Variants in LTBP1 observed in about 807,000 individuals in gnomAD.
The protein encoded by LTBP1 is latent transforming growth factor beta binding protein 1, also known as latent-transforming growth factor beta-binding protein 1.
A neutral mutation model predicts 207.6 loss-of-function variants in LTBP1; 129 were observed. The observed-to-expected ratio is 0.62, with a 90% CI of 0.54 to 0.72. LTBP1 has a LOEUF of 0.72. Among genes scored for constraint, LTBP1 ranks in the 30% least tolerant of loss-of-function variants. The pLI is 0.00. For missense variants in LTBP1, 2,281 were observed against 2,217.2 expected, an observed-to-expected ratio of 1.03 and a Z score of -0.58; for synonymous variants, 963 against 833.7, an observed-to-expected ratio of 1.16 and a Z score of -2.67.
chr2:33,282,173 T>C (rs1026820558), intron 19 of LTBP1, among the ~76,000 whole-genome samples: 3 of 152,004 alleles, frequency 2.0e-5, no homozygotes, highest in Non-Finnish European at 2.9e-5. Flanking sequence ...AGCAGAAATA[T>C]TAGATCACTG....
chr2:33,277,732 A>G (rs2093456859), intron 18 of LTBP1, among the ~76,000 whole-genome samples: 1 of 139,550 alleles, frequency 7.2e-6, no homozygotes, highest in Non-Finnish European at 1.5e-5. Context: ...AACCCCCAAC[A>G]AAGAAGTCAA....
At chr2:33,103,586 CGTGTGTGTGTGTGTGT>C (rs71407500) in intron 3 of LTBP1, among the ~76,000 whole-genome samples, 1 of 118,144 alleles carries the variant, frequency 8.5e-6, no homozygotes, top group African/African-American at 3.0e-5. Flanking sequence ...TCTCCGTTTA[CGTGTGTGTGTGTGTGT>C]GTGTGTGTGT....
intron 31 of LTBP1, among the ~76,000 whole-genome samples, chr2:33,371,972 A>G (rs970793380): frequency 1.3e-5 from 2 of 152,212 alleles, no homozygotes; most frequent in Admixed American, 6.5e-5. Flanking sequence ...CTACTTGCCC[A>G]TTAGTCACTT....
intron 24 of LTBP1, among the ~76,000 whole-genome samples, chr2:33,334,878 G>C (rs933017975): frequency 1.0e-4 from 15 of 150,208 alleles, no homozygotes; most frequent in African/African-American, 3.7e-4. Flanking sequence ...AGATCAGCCT[G>C]GGCAACATAA....
chr2:33,030,361 G>T (rs778966060), intron 3 of LTBP1, among the ~76,000 whole-genome samples: 4 of 152,080 alleles, frequency 2.6e-5, no homozygotes, highest in Non-Finnish European at 5.9e-5. Context: ...ATTTTCCCCT[G>T]CCCCATTTAT....
intron 3 of LTBP1, among the ~76,000 whole-genome samples, chr2:33,106,794 A>G (rs1367591915): frequency 6.6e-6 from 1 of 152,192 alleles, no homozygotes; most frequent in Non-Finnish European, 1.5e-5. Context: ...ATTGGCTTCA[A>G]CTTAAAGTCA....
intron 31 of LTBP1, among the ~76,000 whole-genome samples, chr2:33,381,028 T>G (rs1005393025): frequency 6.6e-6 from 1 of 152,138 alleles, no homozygotes; most frequent in African/African-American, 2.4e-5. Context: ...TGAAAAAATA[T>G]GAAGTAGATC....
At chr2:33,397,506 C>CTTTTTTTTTT (rs35219261) in intron 33 of LTBP1, among the ~76,000 whole-genome samples, 2 of 112,116 alleles carry the variant, frequency 1.8e-5, no homozygotes, top group Non-Finnish European at 3.4e-5. Context: ...TACCACAATT[C>CTTTTTTTTTT]TTTTTTTTTT....
In LTBP1 at chr2:33,279,780, A is replaced by T. The variant is rs963309691; in HGVS notation, c.2993-259A>T. On this transcript the variant is annotated intron_variant, in intron 18 of 33. Transcript: ENST00000404816. The stretch of plus-strand genomic sequence containing the variant: ...GAGGAGCTGCCAACTCCCAGAGTGG[A>T]GAGGCCAGGTCCTGCTAGTTGAAGA... Among the ~76,000 whole-genome samples, 5 of 152,216 alleles carry T rather than the reference A, an allele frequency of 3.3e-5. No individual in the cohort carries two copies. The East Asian group carries it at 9.6e-4, about 29-fold the overall frequency.
At chr2:33,053,503 C>T (rs554262671) in intron 3 of LTBP1, among the ~76,000 whole-genome samples, 1 of 152,190 alleles carries the variant, frequency 6.6e-6, no homozygotes, top group Admixed American at 6.5e-5. Context: ...GCAGCCCTCG[C>T]TCGCTCTCGG....
Position 33,257,479 on chromosome 2 carries a change from G to A in LTBP1, c.2363G>A (p.Arg788Gln), listed in dbSNP as rs149005748. ...CCAGTGGAGGCCCTGACCTTCTCCCGGGAACACGGGCCAGGAGTGGCGGAG... is the reference window on the plus strand; with the variant it reads ...CCAGTGGAGGCCCTGACCTTCTCCCAGGAACACGGGCCAGGAGTGGCGGAG... ...EEPVEALTFS[R>Q]EHGPGVAEPE... is the part of the protein sequence containing the mutation. Residue 788 changes from arginine (R) to glutamine (Q), a missense_variant, in exon 12 of 34, where the codon CGG becomes CAG. Arg to Gln is a conservative substitution (Grantham distance 43). Coordinates refer to ENST00000404816, the MANE Select transcript of LTBP1 (RefSeq NM_206943.4). The A allele has an allele frequency of 1.1e-4, 184 of 1,614,140 alleles. No homozygotes were observed. Among genetic ancestry groups the A allele is most frequent in the African/African-American group, 2.9e-4 (22 of 75,058 alleles).
chr2:33,062,450 A>G (rs1449184659), intron 3 of LTBP1, among the ~76,000 whole-genome samples: 2 of 152,332 alleles, frequency 1.3e-5, no homozygotes, highest in Non-Finnish European at 2.9e-5. Context: ...GTCTAGGATT[A>G]ACTTTGAGTT....
chr2:33,150,751 C>T (rs2083460871), intron 5 of LTBP1, among the ~76,000 whole-genome samples: 2 of 112,058 alleles, frequency 1.8e-5, no homozygotes, highest in South Asian at 6.3e-4. Flanking sequence ...CAGAGTCTCG[C>T]TCTGTTGCCC....
intron 7 of LTBP1, among the ~76,000 whole-genome samples, chr2:33,191,829 A>G (rs1462807963): frequency 3.9e-5 from 6 of 152,354 alleles, no homozygotes; most frequent in East Asian, 1.9e-4. Flanking sequence ...ATAGTTACCA[A>G]TAAACATCTA....
rs180811247 is a variant in LTBP1 at position 33,340,119 on chromosome 2, G to A, written c.3731-2719G>A. ...AAAAATACAAAAAAATTAGCCAGGC[G>A]TGGTGGCGAGCGCCTGTAGTCCCAG... is the stretch of plus-strand genomic sequence containing the variant. On this transcript the variant is annotated intron_variant, in intron 24 of 33. Transcript: ENST00000404816. 1.9e-3 allele frequency among the ~76,000 whole-genome samples: 285 copies of A among 152,112 alleles called. 1 individual carries two copies. Among genetic ancestry groups the A allele is most frequent in the African/African-American group, 5.9e-3 (244 of 41,516 alleles).
intron 20 of LTBP1, among the ~76,000 whole-genome samples, chr2:33,299,967 A>C (rs74570389): frequency 6.6e-6 from 1 of 152,188 alleles, no homozygotes; most frequent in Non-Finnish European, 1.5e-5. Context: ...AGAGTTCTTT[A>C]TACAACTGTT....
chr2:33,396,795 C>A (rs1329946114), intron 32 of LTBP1, among the ~76,000 whole-genome samples: 1 of 152,162 alleles, frequency 6.6e-6, no homozygotes, highest in Non-Finnish European at 1.5e-5. Flanking sequence ...CTGACACTTG[C>A]CCTACTGCAA....
intron 5 of LTBP1, among the ~76,000 whole-genome samples, chr2:33,148,659 C>T (rs1006990857): frequency 6.6e-6 from 1 of 152,200 alleles, no homozygotes; most frequent in African/African-American, 2.4e-5. Context: ...TTCACTTGCA[C>T]CCATCAGGCA....
At chr2:33,143,320 G>A (rs1014269563) in intron 5 of LTBP1, among the ~76,000 whole-genome samples, 9 of 152,138 alleles carry the variant, frequency 5.9e-5, no homozygotes, top group African/African-American at 2.2e-4. Flanking sequence ...CTCCATCTTG[G>A]CACCTCCAGT....
Sources: allele counts gnomAD v4.1 joint callset (sites outside exome capture counted in the v4.1 genomes callset), GRCh38; gene constraint gnomAD v4.1.1; transcripts MANE v1.5; gene names NCBI Gene and HGNC (gene_info 2026-07-23, HGNC 2026-07-21).